The following CENATAC variants were observed in gnomAD, a reference collection of about 807,000 sequenced individuals.
CENATAC encodes the protein coiled-coil domain containing 84.
CENATAC carries 53 observed loss-of-function variants against 53.7 expected under a neutral mutation model. The observed-to-expected ratio is 0.99, with a 90% CI of 0.79 to 1.24. The LOEUF is 1.24. Ranked by LOEUF, CENATAC falls within the 50% of genes most tolerant of loss-of-function variation. The probability of loss-of-function intolerance (pLI) is 0.00; values close to 1 mark genes in which losing one functional copy is unlikely to be tolerated. For synonymous variants in CENATAC, 156 were observed against 144.6 expected (o/e 1.08, Z -0.57); for missense variants, 474 against 417.8 (o/e 1.13, Z -1.17).
intron 3 of CENATAC, chr11:119,010,416 C>T (rs1250131586): frequency 7.8e-6 from 2 of 257,742 alleles, no homozygotes; most frequent in Non-Finnish European, 1.5e-5. Context: ...CATGTCTATA[C>T]TAACCAGCCA....
chr11:119,001,658 CA>C (rs1397263222), intron 3 of CENATAC: 1 of 455,814 alleles, frequency 2.2e-6, no homozygotes, highest in Admixed American at 2.4e-5. Flanking sequence ...TGCAAATCTC[CA>C]AAAAAATTTT....
At chr11:119,003,982 A>G (rs943603544) in intron 3 of CENATAC, 1 of 152,236 alleles carries the variant, frequency 6.6e-6, no homozygotes, top group African/African-American at 2.4e-5. Flanking sequence ...CTTGGTTCAT[A>G]TGCATAGAAA....
chr11:119,010,941 T>C, intron 4 of CENATAC, 111 bp downstream of exon 4: 1 of 891,062 alleles, frequency 1.1e-6, no homozygotes, highest in Non-Finnish European at 1.8e-6. Context: ...ATGAGACTGC[T>C]CCACCTCAGA....
chr11:119,003,533 A>G (rs1407763015), intron 3 of CENATAC: 2 of 360,584 alleles, frequency 5.5e-6, no homozygotes, highest in African/African-American at 4.3e-5. Flanking sequence ...CCTGACCTCA[A>G]ATGATCTACC....
chr11:119,006,911 G>C (rs4488208), intron 3 of CENATAC, among the ~76,000 whole-genome samples: 72,186 of 152,068 alleles, frequency 0.47, 17,561 homozygotes, highest in Admixed American at 0.55. Context: ...CATTCTCTCT[G>C]GCCTGCCACC....
intron 3 of CENATAC, among the ~76,000 whole-genome samples, chr11:119,000,927 T>C (rs920512056): frequency 2.0e-5 from 3 of 152,146 alleles, no homozygotes; most frequent in Admixed American, 6.5e-5. Flanking sequence ...TCAATGTGCA[T>C]GGATTCATTT....
At chr11:119,000,021 C>T (rs1290854607) in intron 3 of CENATAC, among the ~76,000 whole-genome samples, 2 of 152,238 alleles carry the variant, frequency 1.3e-5, no homozygotes, top group Non-Finnish European at 2.9e-5. Context: ...AGGTGACTCA[C>T]CCGCCTTGGC....
Position 119,013,240 on chromosome 11 carries a change from A to G in CENATAC, c.693A>G (p.Pro231=). The G allele has an allele frequency of 6.2e-7, 1 of 1,609,568 alleles. No homozygotes were observed. Among genetic ancestry groups the G allele is most frequent in the East Asian group, 2.2e-5 (1 of 44,754 alleles). Reference sequence around the variant, plus strand: ...CCCATTTCCAACTACAGGATATACCAGGAGTTGGTAACATCCACTCAGGTA... The same window carrying G: ...CCCATTTCCAACTACAGGATATACCGGGAGTTGGTAACATCCACTCAGGTA... ...SLTFIGHQDI[P]GVGNIHSGAT... The change falls in exon 8 of 11, where the codon CCA becomes CCG. Residue 231 remains proline (P), a synonymous_variant. Transcript: ENST00000334418.
In CENATAC at chr11:119,015,100, AAG is replaced by A. The variant is rs2134582412; in HGVS notation, c.805+22_805+23del. 6 of 1,578,868 alleles carry A rather than the reference AAG, an allele frequency of 3.8e-6. No homozygotes were observed. Among genetic ancestry groups the A allele is most frequent in the Non-Finnish European group, 5.2e-6 (6 of 1,153,612 alleles). On this transcript the variant is annotated intron_variant, in intron 9 of 10. Transcript: ENST00000334418. ...TTAAAGAAAGTAAGTAAACTAATTC[AAG>A]AGAGGATCGTCTAAATCTTCACACT...
At chr11:119,004,079 T>C (rs1942457475) in intron 3 of CENATAC, among the ~76,000 whole-genome samples, 1 of 152,236 alleles carries the variant, frequency 6.6e-6, no homozygotes, top group Admixed American at 6.5e-5. Flanking sequence ...ATACTGCCTA[T>C]TGATTTGGAA....
At chr11:119,015,283 A>G (rs1943107982) in intron 9 of CENATAC, 24 bp from the exon 10 acceptor site, 1 of 1,572,660 alleles carries the variant, frequency 6.4e-7, no homozygotes, top group Non-Finnish European at 8.6e-7. Flanking sequence ...AAAGAAAAAT[A>G]AAAGTTTCCC....
intron 3 of CENATAC, among the ~76,000 whole-genome samples, chr11:118,999,803 C>T (rs1200609659): frequency 1.3e-5 from 2 of 152,150 alleles, no homozygotes; most frequent in South Asian, 2.1e-4. Flanking sequence ...CCACCACGCC[C>T]GGCTAATTTT....
chr11:119,009,695 T>G (rs146104790), intron 3 of CENATAC: 1 of 152,344 alleles, frequency 6.6e-6, no homozygotes, highest in Non-Finnish European at 1.5e-5. Flanking sequence ...CTTGGATATA[T>G]TCAAGGCTCT....
intron 3 of CENATAC, among the ~76,000 whole-genome samples, chr11:119,000,356 T>C (rs1942229029): frequency 6.6e-6 from 1 of 151,766 alleles, no homozygotes; most frequent in African/African-American, 2.4e-5. Context: ...GTTTTCAATA[T>C]GAAGATAAAA....
rs1050888930 is a variant in CENATAC at position 119,015,711 on chromosome 11, A to C, written c.*113A>C. 2.1e-5 allele frequency: 27 copies of C among 1,298,362 alleles called. No homozygotes were observed. In the African/African-American group the frequency reaches 3.7e-4, roughly 18 times the overall value. 80.4% of individuals were successfully genotyped at this position (1,298,362 alleles called of 1,614,324 possible). ...TCTTAGGAAACAGACATACTCATTC[A>C]TTTGATTTAATAAAGTTTTATTTTT... On this transcript the variant is annotated 3_prime_UTR_variant, in exon 11 of 11. Transcript: ENST00000334418.
At chr11:119,011,725 A>G (rs1942880404) in intron 5 of CENATAC, among the ~76,000 whole-genome samples, 1 of 141,614 alleles carries the variant, frequency 7.1e-6, no homozygotes, top group South Asian at 2.6e-4. Context: ...CTTGGCTTGA[A>G]TTCCCTTACC....
intron 3 of CENATAC, 77 bp from the exon 4 acceptor site, chr11:119,010,683 TAAAA>T: frequency 7.9e-7 from 1 of 1,266,668 alleles, no homozygotes; most frequent in Non-Finnish European, 1.1e-6. Context: ...TTCTCAAAAT[TAAAA>T]AAATATCTAC....
intron 3 of CENATAC, chr11:119,004,990 G>C (rs782362915): frequency 6.6e-6 from 1 of 151,936 alleles, no homozygotes; most frequent in Non-Finnish European, 1.5e-5. Context: ...AGCTCACAAG[G>C]TTGAGGCAGG....
intron 4 of CENATAC, 90 bp downstream of exon 4, chr11:119,010,920 A>T (rs1214653108): frequency 1.7e-6 from 2 of 1,150,386 alleles, no homozygotes. Flanking sequence ...CAGGCAGGGG[A>T]TGGTTTCAGA....
Sources: gnomAD v4.1 joint callset for allele counts (sites outside exome capture counted in the v4.1 genomes callset) on GRCh38, gnomAD v4.1.1 for gene constraint, MANE v1.5 for transcripts, NCBI Gene and HGNC (gene_info 2026-07-23, HGNC 2026-07-21) for gene names.